Variants in GSK3B observed in about 807,000 individuals in gnomAD.
The protein encoded by GSK3B is glycogen synthase kinase-3 beta.
Under a neutral mutation model 56.4 loss-of-function variants are expected in GSK3B, and 15 were observed. The observed-to-expected ratio is 0.27, with a 90% CI of 0.18 to 0.41. The LOEUF (loss-of-function observed/expected upper bound fraction) is 0.41, where lower values mean the gene tolerates loss of function less well. Among genes scored for constraint, GSK3B ranks in the 10% least tolerant of loss-of-function variants. The probability of loss-of-function intolerance (pLI) is 1.00; values close to 1 mark genes in which losing one functional copy is unlikely to be tolerated. For missense variants in GSK3B, 300 were observed against 513.4 expected, an observed-to-expected ratio of 0.58 and a Z score of 4.02; for synonymous variants, 181 against 188.9, an observed-to-expected ratio of 0.96 and a Z score of 0.34.
intron 2 of GSK3B, among the ~76,000 whole-genome samples, chr3:119,965,196 G>A (rs2057308367): frequency 1.3e-5 from 2 of 150,312 alleles, no homozygotes; most frequent in Non-Finnish European, 1.5e-5. Context: ...GGGCTTACAG[G>A]CACCTGCCAC....
At chr3:119,940,338 T>C (rs951884764) in intron 3 of GSK3B, among the ~76,000 whole-genome samples, 3 of 152,122 alleles carry the variant, frequency 2.0e-5, no homozygotes, top group Non-Finnish European at 4.4e-5. Context: ...CTTTATACTA[T>C]ACTGCTTCAA....
chr3:119,961,346 G>C (rs2057269622), intron 2 of GSK3B, among the ~76,000 whole-genome samples: 1 of 152,150 alleles, frequency 6.6e-6, no homozygotes, highest in Non-Finnish European at 1.5e-5. Flanking sequence ...GAGAAAAACA[G>C]GCTGGGCGCA....
At chr3:120,013,432 G>C (rs950587399) in intron 1 of GSK3B, among the ~76,000 whole-genome samples, 20 of 152,170 alleles carry the variant, frequency 1.3e-4, no homozygotes, top group African/African-American at 4.8e-4. Context: ...TAGAGAATAT[G>C]AATAAGGTGT....
chr3:119,840,262 TTGC>T (rs2055753186), intron 10 of GSK3B, among the ~76,000 whole-genome samples: 1 of 152,000 alleles, frequency 6.6e-6, no homozygotes, highest in South Asian at 2.1e-4. Flanking sequence ...TTTGCTCTTG[TTGC>T]CCAGGCTGGA....
chr3:119,849,747 G>C (rs2055902213), intron 9 of GSK3B, among the ~76,000 whole-genome samples: 1 of 152,146 alleles, frequency 6.6e-6, no homozygotes, highest in Non-Finnish European at 1.5e-5. Context: ...AGATGCTTAA[G>C]TCCCTTGCAT....
At position 119,947,300 on chromosome 3, in the gene GSK3B, A is replaced by G; in HGVS notation, c.334T>C (p.Leu112=). ...RKLDHCNIVR[L]RYFFYSSGEK... ...CCACTGGAGTAGAAGAAATAACGCA[A>G]TCGGACTATGTTACAGTGATCTAGC... The change falls in exon 3 of 11, where the codon TTG becomes CTG. Residue 112 remains leucine, a synonymous_variant. Transcript: ENST00000264235. The G allele has an allele frequency of 1.2e-6, 2 of 1,603,940 alleles. No individual in the cohort carries two copies. Among genetic ancestry groups the G allele is most frequent in the Non-Finnish European group, 1.7e-6 (2 of 1,170,906 alleles).
chr3:119,899,946 T>G (rs1489332478), intron 7 of GSK3B, among the ~76,000 whole-genome samples: 2 of 152,070 alleles, frequency 1.3e-5, no homozygotes, highest in Non-Finnish European at 2.9e-5. Context: ...AAAGTTTATT[T>G]GCATCTGTGT....
chr3:119,939,152 A>G (rs1461818801), intron 3 of GSK3B, among the ~76,000 whole-genome samples: 2 of 152,122 alleles, frequency 1.3e-5, no homozygotes, highest in Non-Finnish European at 2.9e-5. Flanking sequence ...ACAATGAAAA[A>G]GAACTCAACA....
At chr3:119,984,087 A>G (rs762342063) in intron 2 of GSK3B, among the ~76,000 whole-genome samples, 2 of 152,218 alleles carry the variant, frequency 1.3e-5, no homozygotes, top group Non-Finnish European at 2.9e-5. Flanking sequence ...GAAACTGAAC[A>G]ACTTGCTCCT....
chr3:119,954,221 G>GAA (rs2057186535), intron 2 of GSK3B, among the ~76,000 whole-genome samples: 4 of 133,080 alleles, frequency 3.0e-5, no homozygotes, highest in Non-Finnish European at 6.4e-5. Flanking sequence ...AAGTGTGGAA[G>GAA]GAGAATAGAA....
chr3:119,932,676 T>TA (rs201451693), intron 3 of GSK3B, among the ~76,000 whole-genome samples: 12 of 148,858 alleles, frequency 8.1e-5, no homozygotes, highest in South Asian at 6.4e-4. Context: ...ACAAACCCAG[T>TA]AAAAAAAAAC....
chr3:119,897,783 G>A, intron 7 of GSK3B, among the ~76,000 whole-genome samples: 2 of 125,534 alleles, frequency 1.6e-5, no homozygotes, highest in Non-Finnish European at 3.2e-5. Flanking sequence ...GACAGAGCAA[G>A]ACTCTGTCTC....
chr3:119,958,622 G>A (rs2057239104), intron 2 of GSK3B, among the ~76,000 whole-genome samples: 1 of 152,076 alleles, frequency 6.6e-6, no homozygotes, highest in Non-Finnish European at 1.5e-5. Context: ...AGGCTACAGT[G>A]CGCTATGATT....
chr3:119,910,829 C>T (rs1304770961), intron 6 of GSK3B, among the ~76,000 whole-genome samples: 1 of 152,214 alleles, frequency 6.6e-6, no homozygotes, highest in Non-Finnish European at 1.5e-5. Context: ...ATATTCACAG[C>T]GTCTTAACCA....
At chr3:120,068,506 G>A (rs992700274) in intron 1 of GSK3B, among the ~76,000 whole-genome samples, 5 of 151,432 alleles carry the variant, frequency 3.3e-5, no homozygotes, top group Non-Finnish European at 5.9e-5. Context: ...TTCAAGACCC[G>A]CCTGGGCAAC....
rs142484616 is a variant in GSK3B at position 120,034,273 on chromosome 3, C to T, written c.89-32034G>A. ...TTTGTTGCTTGTGTGCTTGGTACCACATCTAAGAAGCCACTGCCTACCCAA... is the reference window on the plus strand; with the variant it reads ...TTTGTTGCTTGTGTGCTTGGTACCATATCTAAGAAGCCACTGCCTACCCAA... On this transcript the variant is annotated intron_variant, in intron 1 of 10. Transcript: ENST00000264235. Among the ~76,000 whole-genome samples the T allele has an allele frequency of 5.9e-4, 90 of 152,298 alleles. No homozygotes were observed. In the East Asian group the frequency reaches 0.016, roughly 26 times the overall value.
chr3:119,969,790 G>A (rs1421553317), intron 2 of GSK3B, among the ~76,000 whole-genome samples: 3 of 152,190 alleles, frequency 2.0e-5, no homozygotes, highest in Admixed American at 6.5e-5. Flanking sequence ...TTCATTTTCC[G>A]TGGATACATT....
chr3:119,855,706 A>C (rs1388777622), intron 9 of GSK3B, among the ~76,000 whole-genome samples: 1 of 152,292 alleles, frequency 6.6e-6, no homozygotes, highest in East Asian at 1.9e-4. Context: ...GGAAACTATC[A>C]TTCTGAGCAA....
At chr3:119,926,354 A>C (rs998914546) in intron 3 of GSK3B, among the ~76,000 whole-genome samples, 23 of 140,918 alleles carry the variant, frequency 1.6e-4, no homozygotes, top group East Asian at 2.1e-4. Context: ...ACACACACAC[A>C]CCCCTATACC....
Sources: allele counts gnomAD v4.1 joint callset (sites outside exome capture counted in the v4.1 genomes callset), GRCh38; gene constraint gnomAD v4.1.1; transcripts MANE v1.5; gene names NCBI Gene and HGNC (gene_info 2026-07-23, HGNC 2026-07-21).